Variants in CCDC88C observed in about 807,000 individuals in gnomAD.
The protein encoded by CCDC88C is coiled-coil and HOOK domain protein 88C.
CCDC88C carries 131 observed loss-of-function variants against 198.8 expected under a neutral mutation model. The ratio of observed to expected loss-of-function variants is 0.66; its 90% confidence interval spans 0.57 to 0.76. The LOEUF (loss-of-function observed/expected upper bound fraction) is 0.76, where lower values mean the gene tolerates loss of function less well. CCDC88C is among the 30% of genes least tolerant of loss of function. CCDC88C has a pLI of 0.00. For synonymous variants in CCDC88C, 1,166 were observed against 1,114.7 expected, an observed-to-expected ratio of 1.05 and a Z score of -0.92; for missense variants, 2,553 against 2,631.6, an observed-to-expected ratio of 0.97 and a Z score of 0.65.
At chr14:91,415,409 T>C (rs575671495) in intron 2 of CCDC88C, among the ~76,000 whole-genome samples, 131 of 150,948 alleles carry the variant, frequency 8.7e-4, no homozygotes, top group African/African-American at 2.9e-3. Flanking sequence ...TTAAACAGCA[T>C]GACATCAAAT....
intron 23 of CCDC88C, among the ~76,000 whole-genome samples, chr14:91,293,509 CCTACCT>C (rs879746712): frequency 0.024 from 1,871 of 78,354 alleles, 421 homozygotes; most frequent in Non-Finnish European, 0.027. Context: ...CCTGCCACGG[CCTACCT>C]TCCTGTCCCC....
In CCDC88C at chr14:91,297,390, T is replaced by G. The variant is rs776922136; in HGVS notation, c.3881A>C (p.Asn1294Thr). Residue 1294 changes from asparagine to threonine, a missense_variant, in exon 22 of 30, where the codon AAC becomes ACC. Asn to Thr is a moderately conservative substitution (Grantham distance 65). Transcript: ENST00000389857. ...TSLNNAQLEL[N>T]RWQARFDELK... ...CTCGTCGAAGCGGGCCTGCCAGCGG[T>G]TGAGCTCCAGCTGCGCGTTGTTCAG... The G allele has an allele frequency of 1.9e-6, 3 of 1,613,114 alleles. No individual in the cohort carries two copies. Among genetic ancestry groups the G allele is most frequent in the African/African-American group, 2.7e-5 (2 of 74,910 alleles).
rs915023547 is a variant in CCDC88C, at chr14:91,272,434, C to T, written c.*191G>A. On this transcript the variant is annotated 3_prime_UTR_variant, in exon 30 of 30. Coordinates refer to ENST00000389857, the MANE Select transcript of CCDC88C (RefSeq NM_001080414.4). ...CGGCAGACACAGAAAACACGTTACA[C>T]ACCTGGAAGCGTAATCCTCTTGGGG... The T allele has an allele frequency of 5.0e-6, 3 of 598,560 alleles. No individual in the cohort carries two copies. Among genetic ancestry groups the T allele is most frequent in the Non-Finnish European group, 8.6e-6 (3 of 349,044 alleles). The allele number at this position is 598,560 out of a possible 1,614,324, so 37.1% of individuals were successfully genotyped here.
chr14:91,299,816 TA>T, intron 21 of CCDC88C, 110 bp downstream of exon 21: 1 of 1,371,096 alleles, frequency 7.3e-7, no homozygotes, highest in Non-Finnish European at 9.6e-7. Flanking sequence ...CAGCAAGGGA[TA>T]AAAATCCACG....
intron 3 of CCDC88C, among the ~76,000 whole-genome samples, chr14:91,394,826 A>G (rs532102161): frequency 1.3e-5 from 2 of 152,338 alleles, no homozygotes; most frequent in African/African-American, 2.4e-5. Flanking sequence ...CACTCGCAAG[A>G]TTAATCCAAA....
chr14:91,285,855 GA>G, intron 25 of CCDC88C: 2 of 1,259,226 alleles, frequency 1.6e-6, no homozygotes, highest in African/African-American at 1.5e-5. Flanking sequence ...TTATCAATCG[GA>G]TAACCCAAAG....
At chr14:91,302,560 A>G (rs1387890468) in intron 20 of CCDC88C, among the ~76,000 whole-genome samples, 2 of 152,124 alleles carry the variant, frequency 1.3e-5, no homozygotes, top group Non-Finnish European at 1.5e-5. Flanking sequence ...AAAACCCAAG[A>G]CCATGAACTG....
intron 3 of CCDC88C, among the ~76,000 whole-genome samples, chr14:91,380,841 T>C (rs1344188204): frequency 6.6e-6 from 1 of 152,132 alleles, no homozygotes; most frequent in African/African-American, 2.4e-5. Flanking sequence ...CGTTTGTGAT[T>C]TGCACGCCCC....
chr14:91,370,075 G>A (rs1016365977), intron 3 of CCDC88C, among the ~76,000 whole-genome samples: 3 of 152,194 alleles, frequency 2.0e-5, no homozygotes, highest in Non-Finnish European at 2.9e-5. Flanking sequence ...GAGGAGAACC[G>A]CTGGGAAGGA....
intron 1 of CCDC88C, 43 bp from the exon 2 acceptor site, chr14:91,416,881 C>A (rs755695570): frequency 1.4e-6 from 2 of 1,426,450 alleles, no homozygotes; most frequent in South Asian, 2.4e-5. Context: ...GAAGTCACCC[C>A]GTGCGCACAA....
At chr14:91,326,950 G>A (rs1027740278) in intron 10 of CCDC88C, among the ~76,000 whole-genome samples, 3 of 152,166 alleles carry the variant, frequency 2.0e-5, no homozygotes, top group Admixed American at 6.5e-5. Context: ...TGAGGGGTGC[G>A]CTGGATCTAT....
intron 3 of CCDC88C, among the ~76,000 whole-genome samples, chr14:91,407,561 G>A (rs189924582): frequency 6.6e-6 from 1 of 152,330 alleles, no homozygotes; most frequent in East Asian, 1.9e-4. Flanking sequence ...CCAGACAGAT[G>A]CCCTGGAGGC....
Position 91,338,687 on chromosome 14 carries a change from G to GGTGGGGAGGCGATCTGCTT in CCDC88C, c.810-136_810-118dup. ...AAAGGAAAGGACTCGGGATTTGGGC[G>GGTGGGGAGGCGATCTGCTT]GTGGGGAGGCGATCTGCTTATGGGG... On this transcript the variant is annotated intron_variant, in intron 8 of 29. Transcript: ENST00000389857. The surrounding 1 kb of genome is among the most constrained non-coding windows in gnomAD (Gnocchi z 4.8). 1 of 743,790 alleles carries GGTGGGGAGGCGATCTGCTT rather than the reference G, an allele frequency of 1.3e-6. No homozygotes were observed. The highest frequency in any genetic ancestry group is 2.3e-6 in the Non-Finnish European group (1 of 433,216). 46.1% of individuals were successfully genotyped at this position (743,790 alleles called of 1,614,324 possible).
At chr14:91,281,625 GCTCTTGGGGATGAGGGAA>G (rs1341277955) in intron 26 of CCDC88C, 100 bp from the exon 27 acceptor site, 2 of 996,326 alleles carry the variant, frequency 2.0e-6, no homozygotes, top group African/African-American at 3.2e-5. Context: ...AGTAGCTCCA[GCTCTTGGGGATGAGGGAA>G]TGGCATGCAG....
At chr14:91,310,069 G>C (rs1891751731) in intron 15 of CCDC88C, 83 bp from the exon 16 acceptor site, 2 of 1,386,268 alleles carry the variant, frequency 1.4e-6, no homozygotes, top group Non-Finnish European at 1.9e-6. Context: ...CCGGGTGTGA[G>C]CAACTGTCCT....
At chr14:91,283,682 C>G (rs1345310973) in intron 25 of CCDC88C, 165 bp from the exon 26 acceptor site, 4 of 654,408 alleles carry the variant, frequency 6.1e-6, no homozygotes, top group East Asian at 5.5e-5. Flanking sequence ...CCTGGCGGGG[C>G]AGGTGGGGGC....
chr14:91,277,803 G>T, intron 29 of CCDC88C, 119 bp downstream of exon 29: 2 of 1,197,746 alleles, frequency 1.7e-6, no homozygotes, highest in Non-Finnish European at 2.3e-6. Flanking sequence ...TCATGTCCAA[G>T]CCAGTCCTGT....
chr14:91,299,454 T>C (rs1891173977), intron 21 of CCDC88C, among the ~76,000 whole-genome samples: 2 of 152,314 alleles, frequency 1.3e-5, no homozygotes, highest in Middle Eastern at 6.8e-3. Flanking sequence ...TGCCCTCAGC[T>C]GGGAAGGTGC....
At chr14:91,283,183 A>C (rs1309020115) in intron 26 of CCDC88C, 146 bp downstream of exon 26, 18 of 848,108 alleles carry the variant, frequency 2.1e-5, no homozygotes, top group Non-Finnish European at 3.0e-5. Flanking sequence ...CATCTGTGCC[A>C]CCAAAGCCTG....
Sources: allele counts gnomAD v4.1 joint callset (sites outside exome capture counted in the v4.1 genomes callset), GRCh38; gene constraint gnomAD v4.1.1; non-coding constraint Gnocchi (gnomAD v3.1); transcripts MANE v1.5; gene names NCBI Gene and HGNC (gene_info 2026-07-23, HGNC 2026-07-21).